Variants in N4BP2L2 observed in about 807,000 individuals in gnomAD.
N4BP2L2 encodes NEDD4-binding protein 2-like 2.
A neutral mutation model predicts 56.2 loss-of-function variants in N4BP2L2; 50 were observed. The ratio of observed to expected loss-of-function variants is 0.89; its 90% CI spans 0.71 to 1.13. The LOEUF is 1.13. N4BP2L2 is among the 50% of genes most tolerant of loss of function. The probability of loss-of-function intolerance (pLI) is 0.00; values close to 1 mark genes in which losing one functional copy is unlikely to be tolerated. For missense variants in N4BP2L2, 689 were observed against 693.8 expected, an observed-to-expected ratio of 0.99 and a Z score of 0.08; for synonymous variants, 203 against 223.6, an observed-to-expected ratio of 0.91 and a Z score of 0.82.
At chr13:32,435,675 AGTT>A in intron 9 of N4BP2L2, among the ~76,000 whole-genome samples, 1 of 152,306 alleles carries the variant, frequency 6.6e-6, no homozygotes, top group Non-Finnish European at 1.5e-5. Context: ...CCAAATCTTC[AGTT>A]CTTCCTCTTC....
intron 6 of N4BP2L2, among the ~76,000 whole-genome samples, chr13:32,471,807 C>T (rs2082353955): frequency 6.6e-6 from 1 of 152,238 alleles, no homozygotes; most frequent in Admixed American, 6.5e-5. Context: ...ATACTCACTG[C>T]CTACAGCCCC....
chr13:32,491,508 T>C (rs953022211), intron 6 of N4BP2L2, among the ~76,000 whole-genome samples: 2 of 148,160 alleles, frequency 1.3e-5, no homozygotes, highest in Non-Finnish European at 3.0e-5. Flanking sequence ...GTTTTTATAA[T>C]AATAAAAACT....
At chr13:32,487,531 G>A (rs954596993) in intron 6 of N4BP2L2, among the ~76,000 whole-genome samples, 4 of 151,454 alleles carry the variant, frequency 2.6e-5, no homozygotes, top group East Asian at 3.9e-4. Flanking sequence ...TTCAGGCCAG[G>A]CATTGTGGCA....
chr13:32,517,795 A>G (rs2049572171), exon 6 of N4BP2L2: 1 of 1,612,244 alleles, frequency 6.2e-7, no homozygotes. Context: ...AGCTGAAAAT[A>G]GCTAATTTAA....
intron 1 of N4BP2L2, among the ~76,000 whole-genome samples, chr13:32,538,120 T>G (rs2057067586): frequency 6.7e-6 from 1 of 149,496 alleles, no homozygotes. Context: ...GACCTCAAAG[T>G]ACAGCCCAGA....
intron 6 of N4BP2L2, among the ~76,000 whole-genome samples, chr13:32,445,304 T>A (rs2076889481): frequency 6.6e-6 from 1 of 152,152 alleles, no homozygotes; most frequent in Admixed American, 6.6e-5. Flanking sequence ...TTAGAAAAGG[T>A]ACATAAACAT....
chr13:32,537,694 G>C (rs1489776221), intron 1 of N4BP2L2, among the ~76,000 whole-genome samples: 1 of 152,106 alleles, frequency 6.6e-6, no homozygotes, highest in Non-Finnish European at 1.5e-5. Context: ...GATGATAACG[G>C]AAATTTGTAT....
chr13:32,444,211 A>G, intron 6 of N4BP2L2: 1 of 1,065,326 alleles, frequency 9.4e-7, no homozygotes, highest in Non-Finnish European at 1.3e-6. Context: ...CTTCATGTGC[A>G]GGTTTAAAAA....
chr13:32,491,599 G>T (rs2087083018), intron 6 of N4BP2L2, among the ~76,000 whole-genome samples: 1 of 144,006 alleles, frequency 6.9e-6, no homozygotes, highest in African/African-American at 2.5e-5. Flanking sequence ...TATACTATAT[G>T]TATAAACTAT....
intron 6 of N4BP2L2, among the ~76,000 whole-genome samples, chr13:32,487,468 TAAA>T (rs372995200): frequency 4.3e-5 from 5 of 116,430 alleles, no homozygotes; most frequent in Admixed American, 9.0e-5. Context: ...GACCCTGTCT[TAAA>T]AAAAAAAAAA....
intron 6 of N4BP2L2, among the ~76,000 whole-genome samples, chr13:32,455,763 C>T (rs562226948): frequency 7.7e-4 from 117 of 152,174 alleles, no homozygotes; most frequent in Non-Finnish European, 1.3e-3. Flanking sequence ...ATTGCCCCAC[C>T]CTATCCACCA....
intron 6 of N4BP2L2, chr13:32,480,619 G>A: frequency 7.8e-7 from 1 of 1,287,680 alleles, no homozygotes; most frequent in Non-Finnish European, 1.0e-6. Context: ...GGAAACATTT[G>A]ATATTTCTTC....
chr13:32,463,303 G>A (rs2080536789), intron 6 of N4BP2L2, among the ~76,000 whole-genome samples: 1 of 152,098 alleles, frequency 6.6e-6, no homozygotes, highest in African/African-American at 2.4e-5. Flanking sequence ...GTGGAGAAGA[G>A]CTGAAGAGAC....
chr13:32,438,236 A>G (rs938020221), intron 8 of N4BP2L2, among the ~76,000 whole-genome samples: 41 of 152,200 alleles, frequency 2.7e-4, no homozygotes, highest in Admixed American at 2.7e-3. Context: ...AGCTTGTACA[A>G]TGGAATAATA....
chr13:32,444,221 A>G (rs2138316688), intron 6 of N4BP2L2: 1 of 928,614 alleles, frequency 1.1e-6, no homozygotes, highest in East Asian at 2.9e-5. Context: ...AGGTTTAAAA[A>G]CCTTTAGTAC....
chr13:32,444,456 G>A (rs1381854649), intron 6 of N4BP2L2, among the ~76,000 whole-genome samples: 2 of 152,172 alleles, frequency 1.3e-5, no homozygotes, highest in South Asian at 2.1e-4. Flanking sequence ...TAGTAGAGAC[G>A]GGGTTTCACC....
Position 32,532,578 on chromosome 13 carries a change from CTTTTCTT to C in N4BP2L2, c.1259+3184_1259+3190del, listed in dbSNP as rs1187642705. On this transcript the variant is annotated intron_variant, in intron 2 of 5. Coordinates refer to ENST00000267068, the Ensembl canonical transcript of N4BP2L2. ...TATGTAGGTTATGTTTCTGGATTCTCTTTTCTTTTTTCTTTTTTTTTTTTTTTTTTAA... is the reference window on the plus strand; with the variant it reads ...TATGTAGGTTATGTTTCTGGATTCTCTTTTCTTTTTTTTTTTTTTTTTTAA... Among the ~76,000 whole-genome samples the C allele has an allele frequency of 7.9e-3, 1,155 of 146,366 alleles. 11 individuals are homozygous for C. Among genetic ancestry groups the C allele is most frequent in the African/African-American group, 0.025 (987 of 39,512 alleles).
At chr13:32,491,619 T>TTA (rs71672003) in intron 6 of N4BP2L2, among the ~76,000 whole-genome samples, 2,289 of 138,294 alleles carry the variant, frequency 0.017, 28 homozygotes, top group Middle Eastern at 0.027. Flanking sequence ...TATATGTATA[T>TTA]TATATATATA....
At chr13:32,500,164 C>T (rs1011575359) in intron 6 of N4BP2L2, among the ~76,000 whole-genome samples, 12 of 152,118 alleles carry the variant, frequency 7.9e-5, no homozygotes, top group Non-Finnish European at 1.3e-4. Flanking sequence ...GGTGCCTTAG[C>T]GGTCTACCTT....
Sources: gnomAD v4.1 joint callset for allele counts (sites outside exome capture counted in the v4.1 genomes callset) on GRCh38, gnomAD v4.1.1 for gene constraint, MANE v1.5 for transcripts, NCBI Gene and HGNC (gene_info 2026-07-23, HGNC 2026-07-21) for gene names.